FASTKD2: variants seen among roughly 807,000 people sequenced by gnomAD.
The protein encoded by FASTKD2 is FAST kinase domains 2, also known as FAST kinase domain-containing protein 2, mitochondrial.
FASTKD2 carries 51 observed loss-of-function variants against 63.6 expected under a neutral mutation model. That is an observed-to-expected ratio of 0.80 (90% CI 0.64 to 1.01). FASTKD2 has a LOEUF of 1.01. Among genes scored for constraint, FASTKD2 ranks in the 50% least tolerant of loss-of-function variants. The pLI, the probability that FASTKD2 is intolerant of heterozygous loss-of-function variation, is 0.00. For synonymous variants in FASTKD2, 284 were observed against 293.4 expected (o/e 0.97, Z 0.33); for missense variants, 786 against 831.1 (o/e 0.95, Z 0.67).
chr2:206,766,714 A>C lies in FASTKD2; in HGVS notation c.21A>C (p.Pro7=), dbSNP rs1478893824. MLTTLK[P]FGSVSVESKM... is the part of the protein sequence containing the mutation. ...GTTTCATGTTGACAACTTTGAAGCCATTTGGAAGTGTTTCAGTGGAGAGCA... is the reference window on the plus strand; with the variant it reads ...GTTTCATGTTGACAACTTTGAAGCCCTTTGGAAGTGTTTCAGTGGAGAGCA... The change falls in exon 2 of 12, where the codon CCA becomes CCC. Residue 7 remains proline (P), a synonymous_variant. Coordinates refer to ENST00000402774, the MANE Select transcript of FASTKD2 (RefSeq NM_001136193.2). 6.2e-7 allele frequency: 1 copy of C among 1,614,012 alleles called. No homozygotes were observed. Among genetic ancestry groups the C allele is most frequent in the African/African-American group, 1.3e-5 (1 of 74,928 alleles).
rs370685987 is a variant in FASTKD2 at position 206,788,063 on chromosome 2, C to T, written c.1721C>T (p.Thr574Ile). ...CCGCGGGAGCTGCCATCGTCACATA[C>T]AAATGCAAAGGTGGCAGAGGTGCTG... ...QLPRELPSSH[T>I]NAKVAEVLSS... Residue 574 changes from threonine (T) to isoleucine (I), a missense_variant, in exon 9 of 12, where the codon ACA becomes ATA. Coordinates refer to ENST00000402774, the MANE Select transcript of FASTKD2 (RefSeq NM_001136193.2). 1 of 1,613,850 alleles carries T rather than the reference C, an allele frequency of 6.2e-7. No individual in the cohort carries two copies. Among genetic ancestry groups the T allele is most frequent in the Admixed American group, 1.7e-5 (1 of 60,010 alleles).
rs748417026 is a variant in FASTKD2, at chr2:206,788,039, C to T, written c.1697C>T (p.Pro566Leu). The T allele has an allele frequency of 1.5e-5, 24 of 1,613,418 alleles. No homozygotes were observed. Among genetic ancestry groups the T allele is most frequent in the South Asian group, 2.2e-5 (2 of 91,060 alleles). ...ATAGCCTTGTCACTCCCACAGCTGC[C>T]GCGGGAGCTGCCATCGTCACATACA... is the stretch of plus-strand genomic sequence containing the variant. ...RDIALSLPQL[P>L]RELPSSHTNA... The change falls in exon 9 of 12, where the codon CCG becomes CTG. Residue 566 changes from proline (P) to leucine (L), a missense_variant. Transcript: ENST00000402774.
chr2:206,771,313 G>C (rs756262320), intron 4 of FASTKD2, 23 bp downstream of exon 4: 8 of 1,376,168 alleles, frequency 5.8e-6, no homozygotes, highest in Non-Finnish European at 8.3e-6. Flanking sequence ...ATTTTCTCTA[G>C]TGGATGAGAT....
chr2:206,786,984 A>G, intron 8 of FASTKD2, 85 bp downstream of exon 8: 1 of 848,098 alleles, frequency 1.2e-6, no homozygotes, highest in Non-Finnish European at 1.9e-6. Flanking sequence ...ATGGGGTCTT[A>G]GTTGGAGCAG....
Position 206,791,869 on chromosome 2 carries a change from G to A in FASTKD2, c.*67G>A. The stretch of plus-strand genomic sequence containing the variant: ...AAAAATTAATAAAGATGACAAGTCA[G>A]TTGTCAATGGAATTGAGCTATCTGC... On this transcript the variant is annotated 3_prime_UTR_variant, in exon 12 of 12. Transcript: ENST00000402774. 2.1e-6 allele frequency: 3 copies of A among 1,444,174 alleles called. No homozygotes were observed. The highest frequency in any genetic ancestry group is 4.7e-4 in the Middle Eastern group (2 of 4,256). 89.5% of individuals were successfully genotyped at this position (1,444,174 alleles called of 1,614,324 possible).
Position 206,766,680 on chromosome 2 carries a change from G to A in FASTKD2, c.-14G>A. The A allele has an allele frequency of 6.2e-7, 1 of 1,612,378 alleles. No homozygotes were observed. Among genetic ancestry groups the A allele is most frequent in the Middle Eastern group, 1.7e-4 (1 of 6,054 alleles). On this transcript the variant is annotated 5_prime_UTR_variant, in exon 2 of 12. It adds an upstream start codon to the 5' untranslated region. Coordinates refer to ENST00000402774, the MANE Select transcript of FASTKD2 (RefSeq NM_001136193.2). ...CACGTGTTCTTTTTCACTAGTAGAA[G>A]TGACGTTGGTTTCATGTTGACAACT...
At chr2:206,776,306 T>C (rs1024125400) in intron 7 of FASTKD2, among the ~76,000 whole-genome samples, 6 of 151,970 alleles carry the variant, frequency 3.9e-5, no homozygotes, top group African/African-American at 1.4e-4. Context: ...AAATATTTTC[T>C]CCCATTCTGT....
intron 11 of FASTKD2, chr2:206,791,443 A>T: frequency 2.0e-6 from 1 of 490,426 alleles, no homozygotes; most frequent in Non-Finnish European, 3.6e-6. Flanking sequence ...GATTTTCTCA[A>T]GAAAGCAGTT....
At chr2:206,772,040 C>T (rs761753346) in intron 5 of FASTKD2, 23 bp downstream of exon 5, 3 of 1,612,256 alleles carry the variant, frequency 1.9e-6, no homozygotes, top group Admixed American at 1.7e-5. Context: ...TTTCTTTCAT[C>T]ATTTGCAATA....
At position 206,793,020 on chromosome 2, in the gene FASTKD2, A is replaced by C. The variant is rs1023924509; in HGVS notation, c.*1218A>C. On this transcript the variant is annotated 3_prime_UTR_variant, in exon 12 of 12. Coordinates refer to ENST00000402774, the MANE Select transcript of FASTKD2 (RefSeq NM_001136193.2). ...GGGCTGATCATGAGGTCAGGAGGTCAAGACAATCCTGGCCAACACGGTGAA... is the reference window on the plus strand; with the variant it reads ...GGGCTGATCATGAGGTCAGGAGGTCCAGACAATCCTGGCCAACACGGTGAA... Among the ~76,000 whole-genome samples, 5 of 152,030 alleles carry C rather than the reference A, an allele frequency of 3.3e-5. No homozygotes were observed. Among genetic ancestry groups the C allele is most frequent in the Admixed American group, 3.3e-4 (5 of 15,256 alleles).
intron 1 of FASTKD2, among the ~76,000 whole-genome samples, chr2:206,766,025 C>G (rs1574659374): frequency 6.6e-6 from 1 of 151,766 alleles, no homozygotes; most frequent in East Asian, 1.9e-4. Context: ...CTTGGGAGGC[C>G]GAGGCGGGTG....
Position 206,787,941 on chromosome 2 carries a change from C to T in FASTKD2, c.1599C>T (p.Asp533=), listed in dbSNP as rs1290560028. Residue 533 remains aspartate, a synonymous_variant, in exon 9 of 12, where the codon GAC becomes GAT. Transcript: ENST00000402774. ...DIISELLTSD[D]MKNAYKLHTL... The stretch of plus-strand genomic sequence containing the variant: ...ACTCTCTTTTTCATCTTTTAGATGA[C>T]ATGAAGAATGCTTACAAGCTGCATA... 2.5e-6 allele frequency: 4 copies of T among 1,584,366 alleles called. No individual in the cohort carries two copies. The highest frequency in any genetic ancestry group is 3.3e-5 in the Admixed American group (2 of 59,944).
intron 3 of FASTKD2, 40 bp downstream of exon 3, chr2:206,770,234 GTT>G (rs1298083272): frequency 2.4e-6 from 3 of 1,243,020 alleles, no homozygotes; most frequent in Non-Finnish European, 3.6e-6. Flanking sequence ...GGTTTTCTTT[GTT>G]CCTCATATAT....
chr2:206,782,153 G>GA (rs777605695), intron 7 of FASTKD2, among the ~76,000 whole-genome samples: 3 of 152,186 alleles, frequency 2.0e-5, no homozygotes, highest in Non-Finnish European at 4.4e-5. Flanking sequence ...GCAGCACAGT[G>GA]AAAAGCCGGA....
In FASTKD2 at chr2:206,793,239, A is replaced by C. The variant is rs1454370843; in HGVS notation, c.*1437A>C. Among the ~76,000 whole-genome samples, 1 of 148,592 alleles carries C rather than the reference A, an allele frequency of 6.7e-6. No individual in the cohort carries two copies. Among genetic ancestry groups the C allele is most frequent in the South Asian group, 2.1e-4 (1 of 4,724 alleles). On this transcript the variant is annotated 3_prime_UTR_variant, in exon 12 of 12. Coordinates refer to ENST00000402774, the MANE Select transcript of FASTKD2 (RefSeq NM_001136193.2). Reference sequence around the variant, plus strand: ...CTGTCTCAAAAAAAAAAAAAAAAAAAAAAAAAAAAAAATACAAAAACTATA... The same window carrying C: ...CTGTCTCAAAAAAAAAAAAAAAAAACAAAAAAAAAAAATACAAAAACTATA...
intron 7 of FASTKD2, among the ~76,000 whole-genome samples, chr2:206,775,377 C>G (rs968295587): frequency 1.3e-5 from 2 of 150,314 alleles, no homozygotes; most frequent in Non-Finnish European, 3.0e-5. Context: ...GGTTTTTATC[C>G]TTTATTCTGT....
At chr2:206,775,599 TG>T (rs1421429387) in intron 7 of FASTKD2, among the ~76,000 whole-genome samples, 1 of 152,006 alleles carries the variant, frequency 6.6e-6, no homozygotes, top group Admixed American at 6.6e-5. Flanking sequence ...GATGTGTCTT[TG>T]TCTGATTTTG....
At position 206,787,952 on chromosome 2, in the gene FASTKD2, CTTACAAGCTGCATACTTTGG is replaced by C. The variant is rs766117532; in HGVS notation, c.1611_1630del (p.Lys539LeufsTer5). 1 of 1,605,408 alleles carries C rather than the reference CTTACAAGCTGCATACTTTGG, an allele frequency of 6.2e-7. No individual in the cohort carries two copies. Among genetic ancestry groups the C allele is most frequent in the Non-Finnish European group, 8.5e-7 (1 of 1,172,428 alleles). On this transcript the variant is annotated frameshift_variant, in exon 9 of 12. Transcript: ENST00000402774. LOFTEE classifies it high-confidence loss of function. ...CATCTTTTAGATGACATGAAGAATG[CTTACAAGCTGCATACTTTGG>C]ATACTTGTCTAAAACTTGATGATAC...
rs776103007 is a variant in FASTKD2, at chr2:206,790,556, T to G, written c.1899-16T>G. ...ATATCAATAACTGTTCTTGTTTTGT[T>G]TATTTTTGTTTTCAGAGTAGCTGTG... On this transcript the variant is annotated splice_polypyrimidine_tract_variant and intron_variant, in intron 10 of 11. Transcript: ENST00000402774. The G allele has an allele frequency of 3.5e-6, 5 of 1,442,880 alleles. No individual in the cohort carries two copies. The South Asian group carries it at 4.6e-5, about 13-fold the overall frequency. The allele number at this position is 1,442,880 out of a possible 1,614,324, so 89.4% of individuals were successfully genotyped here. A position where few individuals can be genotyped will look rare whatever the true frequency, so the allele number is the denominator to read the frequency against.
Sources: gnomAD v4.1 joint callset for allele counts (sites outside exome capture counted in the v4.1 genomes callset) on GRCh38, gnomAD v4.1.1 for gene constraint, MANE v1.5 for transcripts, NCBI Gene and HGNC (gene_info 2026-07-23, HGNC 2026-07-21) for gene names.